Variants in FOXN3 observed in about 807,000 individuals in gnomAD.
The protein encoded by FOXN3 is forkhead box N3, also known as forkhead box protein N3.
In FOXN3, 7 loss-of-function variants were observed where a neutral mutation model predicts 38.4. The observed-to-expected ratio is 0.18, with a 90% CI of 0.10 to 0.34. The LOEUF (loss-of-function observed/expected upper bound fraction) is 0.34. Among genes scored for constraint, FOXN3 ranks in the 10% least tolerant of loss-of-function variants. FOXN3 has a pLI of 1.00. For missense variants in FOXN3, 456 were observed against 613.4 expected (o/e 0.74, Z 2.71); for synonymous variants, 230 against 242.2 (o/e 0.95, Z 0.47).
rs1887123166 is a variant in FOXN3 at position 89,162,265 on chromosome 14, A to G, written c.*149T>C. The G allele has an allele frequency of 4.4e-6, 3 of 676,710 alleles. No homozygotes were observed. In the Admixed American group the frequency reaches 1.1e-4, roughly 24 times the overall value. 41.9% of individuals were successfully genotyped at this position (676,710 alleles called of 1,614,324 possible). ...AACAAAGAAGAGGGGGCAAATTAAA[A>G]CAAAATAAAAGGAAAAGAAAAGAAA... On this transcript the variant is annotated 3_prime_UTR_variant, in exon 6 of 6. Transcript: ENST00000557258. The surrounding 1 kb of genome is among the most constrained non-coding windows in gnomAD (Gnocchi z 7.2).
chr14:89,512,038 G>A (rs988513371), intron 1 of FOXN3, among the ~76,000 whole-genome samples: 9 of 152,168 alleles, frequency 5.9e-5, no homozygotes, highest in African/African-American at 9.7e-5. Context: ...GGGTGGGGAC[G>A]TGGCCAAACC....
intron 4 of FOXN3, among the ~76,000 whole-genome samples, chr14:89,215,363 CA>C (rs2139836342): frequency 7.2e-6 from 1 of 139,248 alleles, no homozygotes; most frequent in South Asian, 2.3e-4. Flanking sequence ...TTTTTTTTGG[CA>C]GAAAGCCAAA....
At chr14:89,180,967 C>CAT (rs1041282406) in intron 4 of FOXN3, among the ~76,000 whole-genome samples, 161 bp from the exon 5 acceptor site, 4 of 150,480 alleles carry the variant, frequency 2.7e-5, no homozygotes, top group Non-Finnish European at 4.4e-5. Context: ...CACACACACA[C>CAT]ACAGTCACAC....
intron 1 of FOXN3, among the ~76,000 whole-genome samples, chr14:89,612,279 C>T (rs1015331912): frequency 1.3e-5 from 2 of 152,080 alleles, no homozygotes; most frequent in African/African-American, 2.4e-5. Flanking sequence ...CAAAGGAAGG[C>T]CCCTCGCTAG....
At chr14:89,300,233 A>G (rs1596165649) in intron 3 of FOXN3, among the ~76,000 whole-genome samples, 1 of 128,228 alleles carries the variant, frequency 7.8e-6, no homozygotes, top group African/African-American at 3.0e-5. Flanking sequence ...TCCAGGCTGG[A>G]GTGCAATGGC....
chr14:89,421,304 C>T (rs61094864), upstream of FOXN3, among the ~76,000 whole-genome samples: 3 of 151,938 alleles, frequency 2.0e-5, no homozygotes, highest in East Asian at 5.8e-4. Flanking sequence ...CATGCACCAC[C>T]ACACCTGGCT....
intron 1 of FOXN3, among the ~76,000 whole-genome samples, chr14:89,457,213 G>A (rs1304893086): frequency 1.3e-5 from 2 of 152,166 alleles, no homozygotes; most frequent in Non-Finnish European, 2.9e-5. Flanking sequence ...ATTGTCAGTT[G>A]GTGCATTCTT....
At chr14:89,322,592 G>C (rs976506402) in intron 3 of FOXN3, among the ~76,000 whole-genome samples, 61 of 152,250 alleles carry the variant, frequency 4.0e-4, no homozygotes, top group African/African-American at 1.4e-3. Flanking sequence ...AAAAAATGAA[G>C]GACATTCAGT....
intron 2 of FOXN3, among the ~76,000 whole-genome samples, chr14:89,393,779 A>G (rs543678179): frequency 6.6e-6 from 1 of 152,346 alleles, no homozygotes; most frequent in African/African-American, 2.4e-5. Context: ...TGAGGCAGAA[A>G]TGACACACTG....
chr14:89,194,811 A>C (rs955017435), intron 4 of FOXN3, among the ~76,000 whole-genome samples: 3 of 152,142 alleles, frequency 2.0e-5, no homozygotes, highest in African/African-American at 7.2e-5. Context: ...TATATGTCCA[A>C]AAATTATGTA....
At chr14:89,170,248 G>C (rs377130017) in intron 5 of FOXN3, among the ~76,000 whole-genome samples, 20 of 152,270 alleles carry the variant, frequency 1.3e-4, no homozygotes, top group Non-Finnish European at 2.1e-4. Context: ...AGAAGAAACA[G>C]TCAAATCTAC....
At chr14:89,169,469 A>G (rs902828109) in intron 5 of FOXN3, among the ~76,000 whole-genome samples, 1 of 151,738 alleles carries the variant, frequency 6.6e-6, no homozygotes, top group Non-Finnish European at 1.5e-5. Flanking sequence ...GTGGCCAAGT[A>G]TTGATTGTAC....
At chr14:89,280,484 G>C (rs945961053) in intron 4 of FOXN3, among the ~76,000 whole-genome samples, 8 of 152,088 alleles carry the variant, frequency 5.3e-5, no homozygotes, top group African/African-American at 1.9e-4. Flanking sequence ...CAACCTTCCA[G>C]GTACATGTAG....
chr14:89,542,165 G>C lies in FOXN3; in HGVS notation c.-15+76863C>G, dbSNP rs1894802729. Among the ~76,000 whole-genome samples, 3 of 152,200 alleles carry C rather than the reference G, an allele frequency of 2.0e-5. No individual in the cohort carries two copies. The South Asian group carries it at 6.2e-4, about 32-fold the overall frequency. On this transcript the variant is annotated intron_variant, in intron 1 of 6. Coordinates refer to the FOXN3 transcript ENST00000345097. Reference sequence around the variant, plus strand: ...TAAGTACAATACTTGTATATATGGGGAGATGTGCTCTGCTACAAGGGTTTG... The same window carrying C: ...TAAGTACAATACTTGTATATATGGGCAGATGTGCTCTGCTACAAGGGTTTG...
rs1215216593 is a variant in FOXN3, at chr14:89,381,513, C to CA, written c.543+30420dup. On this transcript the variant is annotated intron_variant, in intron 2 of 5. Transcript: ENST00000557258. ...CTGGCTAGGCCCTGCACCTGCAGCC[C>CA]AAAAAAAGCCTCAAAAAGCAAAAAA... is the stretch of plus-strand genomic sequence containing the variant. 2.2e-4 allele frequency among the ~76,000 whole-genome samples: 10 copies of CA among 45,436 alleles called. No homozygotes were observed. In the East Asian group the frequency reaches 4.4e-3, roughly 20 times the overall value. 29.8% of individuals were successfully genotyped at this position (45,436 alleles called of 152,430 possible). A position where few individuals can be genotyped will look rare whatever the true frequency, so the allele number is the denominator to read the frequency against.
intron 4 of FOXN3, among the ~76,000 whole-genome samples, chr14:89,256,195 C>G (rs534225919): frequency 1.3e-5 from 2 of 152,248 alleles, no homozygotes; most frequent in South Asian, 4.1e-4. Context: ...AGGGGAAAAT[C>G]GAGTTTTTCA....
At chr14:89,416,004 C>A (rs1244715279) in intron 1 of FOXN3, among the ~76,000 whole-genome samples, 3 of 152,148 alleles carry the variant, frequency 2.0e-5, no homozygotes, top group Non-Finnish European at 4.4e-5. Flanking sequence ...AAATAACTGA[C>A]AAAGACATTA....
At chr14:89,290,289 T>C (rs1277830000) in intron 3 of FOXN3, 1 of 331,806 alleles carries the variant, frequency 3.0e-6, no homozygotes, top group African/African-American at 2.2e-5. Context: ...CGAATAAGTA[T>C]ATTCATTTTG....
chr14:89,583,028 C>T (rs900030850), intron 1 of FOXN3, among the ~76,000 whole-genome samples: 2 of 152,142 alleles, frequency 1.3e-5, no homozygotes, highest in African/African-American at 2.4e-5. Flanking sequence ...CTGTTGATGG[C>T]ATTTCCAGTT....
Sources: allele counts gnomAD v4.1 joint callset (sites outside exome capture counted in the v4.1 genomes callset), GRCh38; gene constraint gnomAD v4.1.1; non-coding constraint Gnocchi (gnomAD v3.1); transcripts MANE v1.5; gene names NCBI Gene and HGNC (gene_info 2026-07-23, HGNC 2026-07-21).